Variants in COL21A1 observed in about 807,000 individuals in gnomAD.
The protein encoded by COL21A1 is collagen alpha-1(XXI) chain.
In COL21A1, 149 loss-of-function variants were observed where a neutral mutation model predicts 137.9. The ratio of observed to expected loss-of-function variants is 1.08; its 90% CI spans 0.95 to 1.24. The LOEUF is 1.24. Ranked by LOEUF, COL21A1 falls within the 50% of genes most tolerant of loss-of-function variation. The pLI, the probability that COL21A1 is intolerant of heterozygous loss-of-function variation, is 0.00. For synonymous variants in COL21A1, 456 were observed against 391.5 expected, an observed-to-expected ratio of 1.16 and a Z score of -1.95; for missense variants, 1,167 against 1,158.4, an observed-to-expected ratio of 1.01 and a Z score of -0.11.
chr6:56,383,990 AT>A (rs60555831), intron 1 of COL21A1, among the ~76,000 whole-genome samples: 46,071 of 151,822 alleles, frequency 0.3, 8,013 homozygotes, highest in East Asian at 0.62. Flanking sequence ...ATATAGATTA[AT>A]TTTTTTCCTT....
chr6:56,260,705 C>CAGGGAGGG (rs1278311136), intron 1 of COL21A1, among the ~76,000 whole-genome samples: 1 of 128,880 alleles, frequency 7.8e-6, no homozygotes. Context: ...GGCAGGCAGG[C>CAGGGAGGG]AGGCAGGCAG....
intron 12 of COL21A1, among the ~76,000 whole-genome samples, chr6:56,127,934 C>T (rs1186775253): frequency 6.6e-6 from 1 of 152,062 alleles, no homozygotes; most frequent in Non-Finnish European, 1.5e-5. Context: ...CTATAGAGAA[C>T]TCATGCCCAT....
At chr6:56,356,424 C>A (rs1765831821) in intron 1 of COL21A1, among the ~76,000 whole-genome samples, 1 of 152,178 alleles carries the variant, frequency 6.6e-6, no homozygotes, top group South Asian at 2.1e-4. Context: ...GGGGTACTCA[C>A]TCCCCTCTGC....
rs374673927 is a variant in COL21A1, at chr6:56,183,579, C to A, written c.-38-923G>T. On this transcript the variant is annotated intron_variant, in intron 1 of 29. Coordinates refer to ENST00000244728, the MANE Select transcript of COL21A1 (RefSeq NM_030820.4). The stretch of plus-strand genomic sequence containing the variant: ...TAAGTAGTCCATAGAAAGTTGGCAA[C>A]AGTATAGAACAGCCTAGAGAGAGTC... Among the ~76,000 whole-genome samples, 23 of 152,250 alleles carry A rather than the reference C, an allele frequency of 1.5e-4. 2 individuals carry two copies. Among genetic ancestry groups the A allele is most frequent in the African/African-American group, 5.5e-4 (23 of 41,558 alleles).
Position 56,170,549 on chromosome 6 carries a change from A to T in COL21A1, c.1026+100T>A. 3 of 744,282 alleles carry T rather than the reference A, an allele frequency of 4.0e-6. No individual in the cohort carries two copies. In the South Asian group the frequency reaches 6.2e-5, roughly 15 times the overall value. The allele number at this position is 744,282 out of a possible 1,614,324, so 46.1% of individuals were successfully genotyped here. The stretch of plus-strand genomic sequence containing the variant: ...AAAATTTAAAGTAAAAATATTTCCA[A>T]TCATGTTAAAATTATAGCCCTCTTT... On this transcript the variant is annotated intron_variant, in intron 5 of 29. Transcript: ENST00000244728.
intron 1 of COL21A1, among the ~76,000 whole-genome samples, chr6:56,229,100 G>T (rs989053146): frequency 6.6e-6 from 1 of 151,688 alleles, no homozygotes; most frequent in Non-Finnish European, 1.5e-5. Flanking sequence ...CATTATTTTG[G>T]CTGGGTATGA....
intron 1 of COL21A1, among the ~76,000 whole-genome samples, chr6:56,335,733 AT>A (rs1459184865): frequency 4.6e-5 from 7 of 152,186 alleles, no homozygotes; most frequent in Admixed American, 4.6e-4. Context: ...CAACTTCAGA[AT>A]AAATGGCCTC....
At chr6:56,086,878 C>T (rs1768303595) in intron 17 of COL21A1, among the ~76,000 whole-genome samples, 1 of 152,154 alleles carries the variant, frequency 6.6e-6, no homozygotes, top group Non-Finnish European at 1.5e-5. Context: ...AACCATTCTG[C>T]CAGCTTGTCT....
In COL21A1 at chr6:56,101,542, A is replaced by G. The variant is rs762506116; in HGVS notation, c.1759-17T>C. On this transcript the variant is annotated splice_polypyrimidine_tract_variant and intron_variant, in intron 16 of 29. Transcript: ENST00000244728. ...TGCTTCTCCCTTTTAATGATTTGAC[A>G]AAAAGAAATAGAGAATTCAGTTTTG... 14 of 1,568,112 alleles carry G rather than the reference A, an allele frequency of 8.9e-6. No individual in the cohort carries two copies. The highest frequency in any genetic ancestry group is 1.0e-5 in the Non-Finnish European group (12 of 1,153,374).
intron 29 of COL21A1, 119 bp downstream of exon 29, chr6:56,059,046 G>A: frequency 4.0e-6 from 3 of 742,364 alleles, no homozygotes; most frequent in East Asian, 2.7e-5. Flanking sequence ...TGTGTTAAAT[G>A]TGAATCACTC....
intron 1 of COL21A1, among the ~76,000 whole-genome samples, chr6:56,228,941 C>CA (rs1330989466): frequency 4.0e-5 from 6 of 151,658 alleles, no homozygotes; most frequent in Admixed American, 2.6e-4. Flanking sequence ...AGAACAAATG[C>CA]AAAAAAATGC....
At chr6:56,355,579 CAT>C (rs1449305020) in intron 1 of COL21A1, among the ~76,000 whole-genome samples, 1 of 152,074 alleles carries the variant, frequency 6.6e-6, no homozygotes, top group Non-Finnish European at 1.5e-5. Context: ...AAAATGTAAA[CAT>C]TGCTGGATAT....
chr6:56,263,336 G>T (rs1422484145), intron 1 of COL21A1, among the ~76,000 whole-genome samples: 3 of 152,180 alleles, frequency 2.0e-5, no homozygotes, highest in Non-Finnish European at 4.4e-5. Flanking sequence ...ATATAAGCTA[G>T]ATCTTCCAAA....
chr6:56,187,667 C>T (rs999345236), intron 1 of COL21A1, among the ~76,000 whole-genome samples: 2 of 152,124 alleles, frequency 1.3e-5, no homozygotes, highest in African/African-American at 4.8e-5. Flanking sequence ...TACCTCATTT[C>T]ACATAAGAAA....
At chr6:56,242,730 G>A (rs781588065) in intron 1 of COL21A1, among the ~76,000 whole-genome samples, 1 of 152,002 alleles carries the variant, frequency 6.6e-6, no homozygotes, top group Non-Finnish European at 1.5e-5. Flanking sequence ...AAGTGACAAA[G>A]GTGAAAAAAT....
chr6:56,246,881 C>T (rs972487343), intron 1 of COL21A1, among the ~76,000 whole-genome samples: 2 of 152,018 alleles, frequency 1.3e-5, no homozygotes, highest in Admixed American at 6.5e-5. Flanking sequence ...GTCCCACCCC[C>T]AGAGATTCTG....
At chr6:56,316,542 C>T (rs1331562498) in intron 1 of COL21A1, among the ~76,000 whole-genome samples, 3 of 120,318 alleles carry the variant, frequency 2.5e-5, no homozygotes, top group African/African-American at 6.3e-5. Context: ...AGTGCAGTTG[C>T]GTGATCTTGG....
intron 1 of COL21A1, among the ~76,000 whole-genome samples, chr6:56,285,446 G>A (rs1273842175): frequency 1.3e-5 from 2 of 152,146 alleles, no homozygotes; most frequent in Non-Finnish European, 2.9e-5. Flanking sequence ...AGTAGCATTT[G>A]TCCTGAGCAA....
intron 18 of COL21A1, among the ~76,000 whole-genome samples, chr6:56,076,907 T>C (rs1253466576): frequency 6.6e-6 from 1 of 151,378 alleles, no homozygotes; most frequent in Admixed American, 6.6e-5. Context: ...AATAAAGAGA[T>C]ATCCATATCT....
Sources: gnomAD v4.1 joint callset for allele counts (sites outside exome capture counted in the v4.1 genomes callset) on GRCh38, gnomAD v4.1.1 for gene constraint, MANE v1.5 for transcripts, NCBI Gene and HGNC (gene_info 2026-07-23, HGNC 2026-07-21) for gene names.